The following GZMH variants were observed in gnomAD, a reference collection of about 807,000 sequenced individuals.
GZMH encodes cathepsin G-like 2, protein h-CCPX.
Under a neutral mutation model 20.7 loss-of-function variants are expected in GZMH, and 24 were observed. That is an observed-to-expected ratio of 1.16 (90% CI 0.84 to 1.63). GZMH has a LOEUF of 1.63. GZMH is among the 40% of genes most tolerant of loss of function. The pLI is 0.00. For missense variants in GZMH, 344 were observed against 302.7 expected (o/e 1.14, Z -1.01); for synonymous variants, 119 against 116.1 (o/e 1.02, Z -0.16).
intron 1 of GZMH, 107 bp from the exon 2 acceptor site, chr14:24,608,519 G>GT: frequency 2.4e-6 from 3 of 1,242,822 alleles, no homozygotes; most frequent in Non-Finnish European, 3.5e-6. Flanking sequence ...GCTGCAGACA[G>GT]TGAGGGAGGG....
chr14:24,606,808 G>C (rs375887378), intron 4 of GZMH, 62 bp from the exon 5 acceptor site: 2 of 1,483,766 alleles, frequency 1.3e-6, no homozygotes, highest in East Asian at 4.5e-5. Context: ...CTCTGTTATG[G>C]ATTTTGTGTG....
chr14:24,607,402 T>C lies in GZMH; in HGVS notation c.344A>G (p.Glu115Gly). Residue 115 changes from glutamate to glycine, a missense_variant, in exon 4 of 5, where the codon GAG becomes GGG. Glu to Gly is a moderately conservative substitution (Grantham distance 98). Transcript: ENST00000216338. ...AGCTGTGGTCCACTTGGCCTTTCTC[T>C]CCAGCTGGTGGGGAAGAAGCAAGAA... ...FSNDIMLLQL[E>G]RKAKWTTAVR... The C allele has an allele frequency of 6.3e-7, 1 of 1,593,152 alleles. No individual in the cohort carries two copies. The highest frequency in any genetic ancestry group is 2.2e-5 in the East Asian group (1 of 44,454).
At chr14:24,607,497 T>G in intron 3 of GZMH, 91 bp from the exon 4 acceptor site, 1 of 1,593,396 alleles carries the variant, frequency 6.3e-7, no homozygotes, top group Non-Finnish European at 8.6e-7. Flanking sequence ...CCCTCTCCTC[T>G]AAGGCACAGG....
At position 24,607,602 on chromosome 14, in the gene GZMH, T is replaced by C. The variant is rs763806824; in HGVS notation, c.339+10A>G. 91 of 1,606,078 alleles carry C rather than the reference T, an allele frequency of 5.7e-5. No individual in the cohort carries two copies. In the East Asian group the frequency reaches 1.9e-3, roughly 34 times the overall value. On this transcript the variant is annotated intron_variant, in intron 3 of 4. Coordinates refer to ENST00000216338, the MANE Select transcript of GZMH (RefSeq NM_033423.5). ...CCAAGAAGAGCAAGAGTGGCAGGAG[T>C]GTGCCTCACCTGCAGTAGCATGATG...
Position 24,607,375 on chromosome 14 carries a change from A to G in GZMH, c.371T>C (p.Val124Ala), listed in dbSNP as rs1325614396. The stretch of plus-strand genomic sequence containing the variant: ...GCTGCTAGGTAGCCTGAGAGGCCGC[A>G]CAGCTGTGGTCCACTTGGCCTTTCT... ...LERKAKWTTA[V>A]RPLRLPSSKA... The change falls in exon 4 of 5, where the codon GTG becomes GCG. Residue 124 changes from valine (V) to alanine (A), a missense_variant. Physicochemically the swap from Val to Ala is moderately conservative, Grantham distance 64 (BLOSUM62 0). Coordinates refer to ENST00000216338, the MANE Select transcript of GZMH (RefSeq NM_033423.5). 3 of 1,606,710 alleles carry G rather than the reference A, an allele frequency of 1.9e-6. No homozygotes were observed. Among genetic ancestry groups the G allele is most frequent in the Middle Eastern group, 1.7e-4 (1 of 5,994 alleles).
At chr14:24,608,218 G>A (rs1169278598) in intron 2 of GZMH, 47 bp downstream of exon 2, 3 of 1,606,054 alleles carry the variant, frequency 1.9e-6, no homozygotes, top group African/African-American at 1.3e-5. Context: ...AGAAAACAAG[G>A]GTCCCTGTAG....
intron 4 of GZMH, 119 bp downstream of exon 4, chr14:24,607,030 G>T: frequency 1.9e-6 from 2 of 1,074,696 alleles, no homozygotes; most frequent in African/African-American, 1.6e-5. Flanking sequence ...ATTCCAGGGG[G>T]ACACAGGCTG....
Position 24,607,368 on chromosome 14 carries a change from A to G in GZMH, c.378T>C (p.Pro126=). Residue 126 remains proline, a synonymous_variant, in exon 4 of 5, where the codon CCT becomes CCC. Transcript: ENST00000216338. ...RKAKWTTAVR[P]LRLPSSKAQV... is the part of the protein sequence containing the mutation. ...GGGCCTTGCTGCTAGGTAGCCTGAGAGGCCGCACAGCTGTGGTCCACTTGG... is the reference window on the plus strand; with the variant it reads ...GGGCCTTGCTGCTAGGTAGCCTGAGGGGCCGCACAGCTGTGGTCCACTTGG... 1.9e-6 allele frequency: 3 copies of G among 1,608,264 alleles called. No homozygotes were observed. The highest frequency in any genetic ancestry group is 1.7e-6 in the Non-Finnish European group (2 of 1,175,654).
chr14:24,609,452 G>A, intron 1 of GZMH, 107 bp downstream of exon 1: 1 of 639,106 alleles, frequency 1.6e-6, no homozygotes, highest in East Asian at 2.9e-5. Context: ...GTCTGGGTGT[G>A]GAATGGGAGG....
At chr14:24,608,438 G>T in intron 1 of GZMH, 26 bp from the exon 2 acceptor site, 1 of 1,613,516 alleles carries the variant, frequency 6.2e-7, no homozygotes, top group Non-Finnish European at 8.5e-7. Flanking sequence ...GGAAGATAAA[G>T]TAGCTGGGGA....
rs532839346 is a variant in GZMH at position 24,607,013 on chromosome 14, A to C, written c.597+136T>G. On this transcript the variant is annotated intron_variant, in intron 4 of 4. Transcript: ENST00000216338. ...CCAGTCCACCCAAGGAGTGGACTAA[A>C]GACTAGATTCCAGGGGGACACAGGC... 6 of 930,324 alleles carry C rather than the reference A, an allele frequency of 6.4e-6. No individual in the cohort carries two copies. In the African/African-American group the frequency reaches 9.9e-5, roughly 15 times the overall value. The allele number at this position is 930,324 out of a possible 1,614,324, so 57.6% of individuals were successfully genotyped here.
Position 24,606,738 on chromosome 14 carries a change from G to A in GZMH, c.606C>T (p.Ser202=), listed in dbSNP as rs756781704. ...CGTCCTTACACACGAGGGGCCCCCC[G>A]GAGTCCCCCTGTGAACAGAGAGAGG... is the stretch of plus-strand genomic sequence containing the variant. ...KKTQTGFKGD[S]GGPLVCKDVA... The change falls in exon 5 of 5, where the codon TCC becomes TCT. Residue 202 remains serine (S), a synonymous_variant. Coordinates refer to ENST00000216338, the MANE Select transcript of GZMH (RefSeq NM_033423.5). 39 of 1,613,210 alleles carry A rather than the reference G, an allele frequency of 2.4e-5. No homozygotes were observed. The highest frequency in any genetic ancestry group is 1.1e-4 in the South Asian group (10 of 91,024).
rs1566561160 is a variant in GZMH at position 24,606,725 on chromosome 14, CG to C, written c.618del (p.Val207CysfsTer5). ...TGFKGDSGGP[L>X]VCKDVAQGIL... ...ATACCTTGGGCTACGTCCTTACACA[CG>C]AGGGGCCCCCCGGAGTCCCCCTGTG... On this transcript the variant is annotated frameshift_variant, in exon 5 of 5. Transcript: ENST00000216338. LOFTEE classifies it low-confidence loss of function (END_TRUNC). The C allele has an allele frequency of 2.5e-6, 4 of 1,613,784 alleles. No homozygotes were observed. The highest frequency in any genetic ancestry group is 3.4e-6 in the Non-Finnish European group (4 of 1,179,820).
chr14:24,606,564 A>T lies in GZMH; in HGVS notation c.*39T>A, dbSNP rs775541514. On this transcript the variant is annotated 3_prime_UTR_variant, in exon 5 of 5. Transcript: ENST00000216338. ...GGGGATTCTTGCCTCTGTCCCAGAGATGGTCAGGCCCAGAGGAAGGTTAGT... is the reference window on the plus strand; with the variant it reads ...GGGGATTCTTGCCTCTGTCCCAGAGTTGGTCAGGCCCAGAGGAAGGTTAGT... The T allele has an allele frequency of 6.3e-7, 1 of 1,592,020 alleles. No homozygotes were observed. The highest frequency in any genetic ancestry group is 1.1e-5 in the South Asian group (1 of 87,682).
chr14:24,609,296 C>T (rs945639467), intron 1 of GZMH, among the ~76,000 whole-genome samples: 2 of 152,150 alleles, frequency 1.3e-5, no homozygotes, highest in East Asian at 3.9e-4. Context: ...GCTTCACATT[C>T]CCTACCAAAT....
In GZMH at chr14:24,607,240, T is replaced by C. The variant is rs762329015; in HGVS notation, c.506A>G (p.Asp169Gly). The change falls in exon 4 of 5, where the codon GAC (aspartate) becomes GGC (glycine). Residue 169 changes from aspartate (D) to glycine (G), a missense_variant. Coordinates refer to ENST00000216338, the MANE Select transcript of GZMH (RefSeq NM_033423.5). ...LQEVLLTVQK[D>G]CQCERLFHGN... Reference sequence around the variant, plus strand: ...ATGGAAGAGACGTTCACACTGGCAGTCCTTCTGCACTGTCAGCAACACTTC... The same window carrying C: ...ATGGAAGAGACGTTCACACTGGCAGCCCTTCTGCACTGTCAGCAACACTTC... 6 of 1,614,030 alleles carry C rather than the reference T, an allele frequency of 3.7e-6. No homozygotes were observed. The highest frequency in any genetic ancestry group is 5.1e-6 in the Non-Finnish European group (6 of 1,180,014).
chr14:24,606,672 T>C lies in GZMH; in HGVS notation c.672A>G (p.Thr224=), dbSNP rs751819448. 1.4e-5 allele frequency: 22 copies of C among 1,613,540 alleles called. No homozygotes were observed. The Admixed American group carries it at 3.7e-4, about 27-fold the overall frequency. ...GILSYGNKKG[T]PPGVYIKVSH... is the part of the protein sequence containing the mutation. The stretch of plus-strand genomic sequence containing the variant: ...AGACCTTGATGTAGACTCCTGGAGG[T>C]GTCCCTTTTTTGTTTCCATAGGAGA... The change falls in exon 5 of 5, where the codon ACA becomes ACG. Residue 224 remains threonine (T), a synonymous_variant. Transcript: ENST00000216338.
intron 3 of GZMH, 101 bp downstream of exon 3, chr14:24,607,511 T>C (rs2066879005): frequency 6.2e-7 from 1 of 1,601,578 alleles, no homozygotes; most frequent in Non-Finnish European, 8.5e-7. Flanking sequence ...GCACAGGAAC[T>C]GACCAAGAGG....
At chr14:24,607,519 A>G (rs1381881652) in intron 3 of GZMH, 93 bp downstream of exon 3, 4 of 1,603,808 alleles carry the variant, frequency 2.5e-6, no homozygotes, top group Non-Finnish European at 3.4e-6. Flanking sequence ...ACTGACCAAG[A>G]GGTCAGGATG....
Sources: allele counts gnomAD v4.1 joint callset (sites outside exome capture counted in the v4.1 genomes callset), GRCh38; gene constraint gnomAD v4.1.1; transcripts MANE v1.5; gene names NCBI Gene and HGNC (gene_info 2026-07-23, HGNC 2026-07-21).